The following RPRD1B variants were observed in gnomAD, a reference collection of about 807,000 sequenced individuals.
RPRD1B encodes the protein regulation of nuclear pre-mRNA domain containing 1B.
Under a neutral mutation model 41.5 loss-of-function variants are expected in RPRD1B, and 11 were observed. The ratio of observed to expected loss-of-function variants is 0.27; its 90% CI spans 0.17 to 0.44. RPRD1B has a LOEUF of 0.44. RPRD1B is among the 20% of genes least tolerant of loss of function. RPRD1B has a pLI of 1.00. For missense variants in RPRD1B, 248 were observed against 389.9 expected, an observed-to-expected ratio of 0.64 and a Z score of 3.06; for synonymous variants, 158 against 155.6, an observed-to-expected ratio of 1.02 and a Z score of -0.12.
Position 38,066,000 on chromosome 20 carries a change from T to TTTGTAGTCA in RPRD1B, c.656-80_656-79insTGTAGTCAT. On this transcript the variant is annotated intron_variant, in intron 5 of 6. Transcript: ENST00000373433. ...ACTCTGTATATTGGGAGAGAAACCG[T>TTTGTAGTCA]TAACCTCCCCCAGAAATGTTTGTAG... 4 of 1,401,370 alleles carry TTTGTAGTCA rather than the reference T, an allele frequency of 2.9e-6. No homozygotes were observed. In the East Asian group the frequency reaches 9.2e-5, roughly 32 times the overall value. 86.8% of individuals were successfully genotyped at this position (1,401,370 alleles called of 1,614,324 possible).
At chr20:38,048,951 A>ATTGT (rs531004306) in intron 3 of RPRD1B, among the ~76,000 whole-genome samples, 1 of 151,982 alleles carries the variant, frequency 6.6e-6, no homozygotes, top group Admixed American at 6.6e-5. Flanking sequence ...TCTAAAGTTG[A>ATTGT]TTGTTTGTTT....
At chr20:38,035,795 C>T (rs1281177399) in intron 1 of RPRD1B, among the ~76,000 whole-genome samples, 2 of 150,016 alleles carry the variant, frequency 1.3e-5, no homozygotes, top group Non-Finnish European at 3.0e-5. Context: ...ATGGGGGTCT[C>T]GCTCTGTCAC....
chr20:38,033,758 T>G lies in RPRD1B; in HGVS notation c.-190T>G, dbSNP rs2073957385. ...GGCAGGGTGAGAGGTCGGGTGGCCATCTTGTGGCGGCGGCGCGGGCGGCTG... is the reference window on the plus strand; with the variant it reads ...GGCAGGGTGAGAGGTCGGGTGGCCAGCTTGTGGCGGCGGCGCGGGCGGCTG... On this transcript the variant is annotated 5_prime_UTR_variant, in exon 1 of 7. Transcript: ENST00000373433. 1.7e-6 allele frequency: 1 copy of G among 576,680 alleles called. No individual in the cohort carries two copies. Among genetic ancestry groups the G allele is most frequent in the East Asian group, 3.1e-5 (1 of 31,886 alleles). The allele number at this position is 576,680 out of a possible 1,614,324, so 35.7% of individuals were successfully genotyped here. A position where few individuals can be genotyped will look rare whatever the true frequency, so the allele number is the denominator to read the frequency against.
chr20:38,043,754 A>G (rs544058205), intron 2 of RPRD1B, among the ~76,000 whole-genome samples: 4 of 152,272 alleles, frequency 2.6e-5, no homozygotes, highest in South Asian at 2.1e-4. Context: ...GAAAAGAGAA[A>G]TCAAAGACGA....
In RPRD1B at chr20:38,066,225, A is replaced by G; in HGVS notation, c.800A>G (p.Asp267Gly). Reference sequence around the variant, plus strand: ...GTGGAGTATACCCAGAATCAGAAAGATGTTTTGTCGGAGAAGGAGAAAAAA... The same window carrying G: ...GTGGAGTATACCCAGAATCAGAAAGGTGTTTTGTCGGAGAAGGAGAAAAAA... ...MLVEYTQNQK[D>G]VLSEKEKKLE... The change falls in exon 6 of 7, where the codon GAT becomes GGT. Residue 267 changes from aspartate to glycine, a missense_variant. Transcript: ENST00000373433. 6.2e-7 allele frequency: 1 copy of G among 1,614,196 alleles called. No individual in the cohort carries two copies. The highest frequency in any genetic ancestry group is 8.5e-7 in the Non-Finnish European group (1 of 1,180,026).
At chr20:38,048,591 T>C in intron 3 of RPRD1B, 110 bp downstream of exon 3, 1 of 1,483,132 alleles carries the variant, frequency 6.7e-7, no homozygotes, top group Non-Finnish European at 9.0e-7. Context: ...TTATGATTCT[T>C]CAGAGAGACA....
At position 38,048,489 on chromosome 20, in the gene RPRD1B, C is replaced by G. The variant is rs755021132; in HGVS notation, c.415+8C>G. The G allele has an allele frequency of 6.3e-7, 1 of 1,598,256 alleles. No homozygotes were observed. The highest frequency in any genetic ancestry group is 1.1e-5 in the South Asian group (1 of 89,742). ...AGAGCCCTCCCCCCAAAGGTAGAAACATCACCACATGTTTACAGCTCTTGG... is the reference window on the plus strand; with the variant it reads ...AGAGCCCTCCCCCCAAAGGTAGAAAGATCACCACATGTTTACAGCTCTTGG... On this transcript the variant is annotated splice_region_variant and intron_variant, in intron 3 of 6. Transcript: ENST00000373433.
intron 5 of RPRD1B, among the ~76,000 whole-genome samples, chr20:38,059,755 C>T (rs6013781): frequency 0.24 from 37,067 of 152,084 alleles, 5,668 homozygotes; most frequent in African/African-American, 0.44. Context: ...TGTGCCACAA[C>T]CTGTGGCTCT....
In RPRD1B at chr20:38,089,835, C is replaced by T; in HGVS notation, c.941C>T (p.Ala314Val). The T allele has an allele frequency of 6.2e-7, 1 of 1,614,064 alleles. No homozygotes were observed. The highest frequency in any genetic ancestry group is 8.5e-7 in the Non-Finnish European group (1 of 1,179,908). ...CTGCCCAACGTCACAGGGGGCTTAG[C>T]CCCCCTGCCCTCTGCTGGGGACCTG... is the stretch of plus-strand genomic sequence containing the variant. ...SLLPNVTGGL[A>V]PLPSAGDLFS... The change falls in exon 7 of 7, where the codon GCC becomes GTC. Residue 314 changes from alanine to valine, a missense_variant. By Grantham distance (64) the Ala-to-Val change is moderately conservative (BLOSUM62 0). Around this residue, in one of 5 missense-constraint regions of RPRD1B, gnomAD observed 93 missense variants for 167.2 expected, o/e 0.56. Coordinates refer to ENST00000373433, the MANE Select transcript of RPRD1B (RefSeq NM_021215.4).
At chr20:38,064,306 T>C (rs528154824) in intron 5 of RPRD1B, among the ~76,000 whole-genome samples, 10 of 152,360 alleles carry the variant, frequency 6.6e-5, no homozygotes, top group Admixed American at 2.0e-4. Flanking sequence ...GCAGTTCCTC[T>C]TGCAATATTC....
intron 6 of RPRD1B, among the ~76,000 whole-genome samples, chr20:38,078,577 A>T (rs1464147121): frequency 2.0e-5 from 3 of 151,526 alleles, no homozygotes; most frequent in Non-Finnish European, 4.4e-5. Flanking sequence ...TTCTGTCTGT[A>T]TTGTCACTCA....
intron 3 of RPRD1B, among the ~76,000 whole-genome samples, chr20:38,052,752 G>GTTTTTT (rs146687415): frequency 6.1e-5 from 5 of 81,702 alleles, no homozygotes; most frequent in Non-Finnish European, 1.1e-4. Flanking sequence ...CAAACGCGGT[G>GTTTTTT]TTTTTTTTTT....
chr20:38,045,222 T>G (rs1430251346), intron 2 of RPRD1B, among the ~76,000 whole-genome samples: 1 of 152,246 alleles, frequency 6.6e-6, no homozygotes, highest in Non-Finnish European at 1.5e-5. Context: ...ATTCATAGAT[T>G]GTTGGCAAAG....
intron 5 of RPRD1B, among the ~76,000 whole-genome samples, chr20:38,062,870 C>T (rs1298956771): frequency 4.3e-5 from 5 of 116,778 alleles, no homozygotes; most frequent in African/African-American, 1.3e-4. Context: ...CAGTCTCATT[C>T]TGTCACCCAG....
chr20:38,060,101 T>G (rs2074282851), intron 5 of RPRD1B, among the ~76,000 whole-genome samples: 1 of 152,234 alleles, frequency 6.6e-6, no homozygotes, highest in Non-Finnish European at 1.5e-5. Context: ...GACAGTAGGC[T>G]TTGCACCGGT....
At chr20:38,062,149 C>T (rs1206103066) in intron 5 of RPRD1B, among the ~76,000 whole-genome samples, 12 of 152,172 alleles carry the variant, frequency 7.9e-5, no homozygotes, top group Admixed American at 7.9e-4. Flanking sequence ...ATATTCCAAG[C>T]CACTAAATTT....
intron 5 of RPRD1B, among the ~76,000 whole-genome samples, chr20:38,062,585 C>T (rs1481630004): frequency 1.3e-5 from 2 of 152,206 alleles, no homozygotes; most frequent in East Asian, 3.9e-4. Context: ...GGGACCAAAA[C>T]CAGCATCTGA....
chr20:38,050,656 G>T (rs2074176117), intron 3 of RPRD1B, among the ~76,000 whole-genome samples: 2 of 152,218 alleles, frequency 1.3e-5, no homozygotes, highest in African/African-American at 4.8e-5. Context: ...GTGAGGAATA[G>T]GTTTGCACTC....
At chr20:38,080,556 C>A (rs978334773) in intron 6 of RPRD1B, among the ~76,000 whole-genome samples, 3 of 152,172 alleles carry the variant, frequency 2.0e-5, no homozygotes, top group African/African-American at 7.2e-5. Context: ...TCTTGAGTCT[C>A]TCTTTGTCTC....
Sources: allele counts gnomAD v4.1 joint callset (sites outside exome capture counted in the v4.1 genomes callset), GRCh38; gene constraint gnomAD v4.1.1; regional missense constraint gnomAD v4.1.1; transcripts MANE v1.5; gene names NCBI Gene and HGNC (gene_info 2026-07-23, HGNC 2026-07-21).